Variants in BAG4 observed in about 807,000 individuals in gnomAD.
BAG4 encodes BAG cochaperone 4.
In BAG4, 28 loss-of-function variants were observed where a neutral mutation model predicts 52.1. The observed-to-expected ratio is 0.54, with a 90% CI of 0.40 to 0.74. The LOEUF (loss-of-function observed/expected upper bound fraction) is 0.74. Among genes scored for constraint, BAG4 ranks in the 30% least tolerant of loss-of-function variants. The pLI is 0.00. For missense variants in BAG4, 525 were observed against 572.0 expected (o/e 0.92, Z 0.84); for synonymous variants, 208 against 217.0 (o/e 0.96, Z 0.37).
At chr8:38,180,313 A>G (rs1803239824) in intron 1 of BAG4, among the ~76,000 whole-genome samples, 1 of 151,962 alleles carries the variant, frequency 6.6e-6, no homozygotes, top group Non-Finnish European at 1.5e-5. Flanking sequence ...ACCTGAGGTC[A>G]GGAGTTCGAG....
intron 1 of BAG4, among the ~76,000 whole-genome samples, chr8:38,179,414 C>T (rs182362384): frequency 1.3e-5 from 2 of 151,916 alleles, no homozygotes; most frequent in African/African-American, 4.8e-5. Flanking sequence ...GCCTCGGCCT[C>T]CAAAAGTGCT....
chr8:38,177,239 G>C (rs1803175442), intron 1 of BAG4, 100 bp downstream of exon 1: 1 of 1,496,736 alleles, frequency 6.7e-7, no homozygotes, highest in Non-Finnish European at 8.9e-7. Context: ...ATGTGGAGGA[G>C]GGTGTGTTGC....
chr8:38,210,806 C>T lies in BAG4; in HGVS notation c.*313C>T, dbSNP rs1043782. On this transcript the variant is annotated 3_prime_UTR_variant, in exon 5 of 5. Transcript: ENST00000287322. ...CAGCAGGAGGGAAACACACTTCACA[C>T]AACAGGCTTATCAGAAACCTACCAG... The T allele has an allele frequency of 0.24, 50,303 of 210,424 alleles. 6,247 individuals carry two copies. The highest frequency in any genetic ancestry group is 0.31 in the East Asian group (2,648 of 8,614). The allele number at this position is 210,424 out of a possible 1,614,324, so 13.0% of individuals were successfully genotyped here.
At chr8:38,192,439 T>C (rs999724491) in intron 1 of BAG4, among the ~76,000 whole-genome samples, 2 of 152,148 alleles carry the variant, frequency 1.3e-5, no homozygotes, top group Admixed American at 6.6e-5. Context: ...ATTCCCTTTT[T>C]TCTTTTATTT....
chr8:38,194,029 G>A (rs1308748794), intron 2 of BAG4, among the ~76,000 whole-genome samples: 12 of 152,018 alleles, frequency 7.9e-5, no homozygotes, highest in African/African-American at 2.7e-4. Flanking sequence ...GAGCCACCAC[G>A]CCCGGCCAGT....
chr8:38,186,078 G>A (rs1194832718), intron 1 of BAG4, among the ~76,000 whole-genome samples: 6 of 152,038 alleles, frequency 3.9e-5, no homozygotes, highest in Admixed American at 2.0e-4. Flanking sequence ...GAGGAGTAGC[G>A]TACCAACATT....
At chr8:38,195,409 C>G (rs979718796) in intron 2 of BAG4, among the ~76,000 whole-genome samples, 4 of 152,116 alleles carry the variant, frequency 2.6e-5, no homozygotes, top group Non-Finnish European at 5.9e-5. Flanking sequence ...CCACTTCAGC[C>G]TCCTGAGTAG....
Position 38,177,055 on chromosome 8 carries a change from G to T in BAG4, c.186G>T (p.Trp62Cys), listed in dbSNP as rs1022665390. The T allele has an allele frequency of 3.1e-6, 5 of 1,610,170 alleles. No individual in the cohort carries two copies. The highest frequency in any genetic ancestry group is 3.4e-6 in the Non-Finnish European group (4 of 1,178,794). ...GGGGCGGCCCGGCGGAGACCACCTG[G>T]CTGGGAGAAGGCGGAGGAGGCGATG... ...VRGGGPAETT[W>C]LGEGGGGDGY... The change falls in exon 1 of 5, where the codon TGG (tryptophan) becomes TGT (cysteine). Residue 62 changes from tryptophan (W) to cysteine (C), a missense_variant. Trp to Cys is a radical substitution (Grantham distance 215). This residue lies in a region of BAG4 where 287 missense variants were observed against 266.1 expected (regional missense o/e 1.08). Transcript: ENST00000287322.
chr8:38,177,951 T>A (rs970585265), intron 1 of BAG4, among the ~76,000 whole-genome samples: 2 of 152,176 alleles, frequency 1.3e-5, no homozygotes, highest in Non-Finnish European at 2.9e-5. Context: ...GAAATTCTCG[T>A]ACATTGCTGG....
chr8:38,193,907 T>G (rs1803519620), intron 2 of BAG4, among the ~76,000 whole-genome samples: 1 of 152,066 alleles, frequency 6.6e-6, no homozygotes, highest in African/African-American at 2.4e-5. Context: ...CCTAGCTAAT[T>G]TTTGTATTTT....
intron 1 of BAG4, among the ~76,000 whole-genome samples, chr8:38,187,369 T>C (rs1241492563): frequency 1.3e-5 from 2 of 151,998 alleles, no homozygotes; most frequent in Non-Finnish European, 1.5e-5. Flanking sequence ...AAGAAAGAAT[T>C]CATGAATTTG....
intron 4 of BAG4, 44 bp downstream of exon 4, chr8:38,209,311 G>T: frequency 6.2e-7 from 1 of 1,611,802 alleles, no homozygotes; most frequent in Non-Finnish European, 8.5e-7. Flanking sequence ...GTGTAATTAG[G>T]AGAACATAAC....
chr8:38,196,407 A>G (rs1301837200), intron 2 of BAG4, among the ~76,000 whole-genome samples: 1 of 152,002 alleles, frequency 6.6e-6, no homozygotes, highest in African/African-American at 2.4e-5. Context: ...TAATCCCAGC[A>G]CTTTGGGAGG....
Position 38,210,714 on chromosome 8 carries a change from G to A in BAG4, c.*221G>A. The stretch of plus-strand genomic sequence containing the variant: ...AATGAATGTAATAGGAAACTATGGA[G>A]TTACCAATATTGCCAAGTAGACTCA... On this transcript the variant is annotated 3_prime_UTR_variant, in exon 5 of 5. Transcript: ENST00000287322. 1 of 502,612 alleles carries A rather than the reference G, an allele frequency of 2.0e-6. No homozygotes were observed. The highest frequency in any genetic ancestry group is 3.2e-6 in the Non-Finnish European group (1 of 315,604). The allele number at this position is 502,612 out of a possible 1,614,324, so 31.1% of individuals were successfully genotyped here.
intron 2 of BAG4, among the ~76,000 whole-genome samples, chr8:38,202,560 T>C (rs373498689): frequency 3.6e-4 from 50 of 138,368 alleles, no homozygotes; most frequent in East Asian, 2.5e-3. Flanking sequence ...CTCGGCCCCC[T>C]TTTTTTTTTT....
intron 2 of BAG4, among the ~76,000 whole-genome samples, chr8:38,206,201 G>T (rs911790302): frequency 6.6e-6 from 1 of 151,462 alleles, no homozygotes; most frequent in African/African-American, 2.4e-5. Flanking sequence ...CTTGAATCTG[G>T]GGGGTGGAGG....
intron 1 of BAG4, among the ~76,000 whole-genome samples, chr8:38,183,147 C>G (rs1803302168): frequency 6.6e-6 from 1 of 150,998 alleles, no homozygotes; most frequent in Non-Finnish European, 1.5e-5. Context: ...CGGGTTCATG[C>G]CATTCTCCCA....
intron 4 of BAG4, 149 bp from the exon 5 acceptor site, chr8:38,209,859 A>G: frequency 8.8e-7 from 1 of 1,140,386 alleles, no homozygotes; most frequent in Non-Finnish European, 1.2e-6. Flanking sequence ...GTTTTTTTGC[A>G]AATGATTAAG....
At chr8:38,187,359 A>G (rs530495024) in intron 1 of BAG4, among the ~76,000 whole-genome samples, 16 of 152,334 alleles carry the variant, frequency 1.1e-4, no homozygotes, top group African/African-American at 3.6e-4. Flanking sequence ...GAACTGACAG[A>G]AGAAAGAATT....
Sources: allele counts gnomAD v4.1 joint callset (sites outside exome capture counted in the v4.1 genomes callset), GRCh38; gene constraint gnomAD v4.1.1; regional missense constraint gnomAD v4.1.1; transcripts MANE v1.5; gene names NCBI Gene and HGNC (gene_info 2026-07-23, HGNC 2026-07-21).